Variants in LEPR observed in about 807,000 individuals in gnomAD.
LEPR encodes leptin receptor, also known as OB receptor.
In LEPR, 56 loss-of-function variants were observed where a neutral mutation model predicts 114.7. The observed-to-expected ratio is 0.49, with a 90% CI of 0.39 to 0.61. The LOEUF is 0.61. LEPR is among the 20% of genes least tolerant of loss of function. LEPR has a pLI of 0.00. For synonymous variants in LEPR, 443 were observed against 461.4 expected (o/e 0.96, Z 0.51); for missense variants, 1,202 against 1,352.9 (o/e 0.89, Z 1.75).
At chr1:65,508,271 G>A (rs1050611099) in intron 2 of LEPR, among the ~76,000 whole-genome samples, 25 of 152,140 alleles carry the variant, frequency 1.6e-4, no homozygotes, top group African/African-American at 3.9e-4. Flanking sequence ...CCAGACCAAT[G>A]TCGTGAAACT....
intron 2 of LEPR, among the ~76,000 whole-genome samples, chr1:65,483,497 C>T (rs543199829): frequency 6.6e-5 from 10 of 152,220 alleles, no homozygotes; most frequent in African/African-American, 2.4e-4. Flanking sequence ...GAGGGAGTTA[C>T]GATATCACAA....
At chr1:65,535,583 T>C (rs1650712447) in intron 2 of LEPR, among the ~76,000 whole-genome samples, 2 of 151,864 alleles carry the variant, frequency 1.3e-5, no homozygotes, top group African/African-American at 4.8e-5. Context: ...ACTCCTGAAC[T>C]CAAGTGATCC....
chr1:65,579,164 A>G (rs183349615), intron 5 of LEPR, among the ~76,000 whole-genome samples: 3 of 152,332 alleles, frequency 2.0e-5, no homozygotes, highest in Admixed American at 1.3e-4. Flanking sequence ...TCAGTCAGAT[A>G]TTGGGCAACC....
chr1:65,431,710 C>A, intron 2 of LEPR: 1 of 1,316,518 alleles, frequency 7.6e-7, no homozygotes, highest in Non-Finnish European at 1.0e-6. Flanking sequence ...TGTAACATTT[C>A]ATTGGATGTT....
At chr1:65,420,849 C>G (rs1646232237) in intron 1 of LEPR, 109 bp downstream of exon 1, 2 of 1,322,160 alleles carry the variant, frequency 1.5e-6, no homozygotes, top group East Asian at 2.7e-5. Flanking sequence ...GCCTCACCAC[C>G]CTTCCCGCCT....
intron 2 of LEPR, among the ~76,000 whole-genome samples, chr1:65,466,450 C>G (rs1647014154): frequency 6.6e-6 from 1 of 152,038 alleles, no homozygotes. Context: ...GTCTGGCTGC[C>G]CTTAACATTT....
chr1:65,566,229 A>G (rs1653748203), intron 3 of LEPR, among the ~76,000 whole-genome samples: 1 of 127,176 alleles, frequency 7.9e-6, no homozygotes, highest in Non-Finnish European at 1.6e-5. Context: ...TTTGAGACGC[A>G]GTCTTGCTCT....
intron 2 of LEPR, among the ~76,000 whole-genome samples, chr1:65,427,299 C>T (rs1484054055): frequency 6.6e-6 from 1 of 152,100 alleles, no homozygotes; most frequent in Non-Finnish European, 1.5e-5. Flanking sequence ...AGAGCCCGGC[C>T]GTGGTGGCTC....
At chr1:65,542,351 T>TA (rs1478685252) in intron 2 of LEPR, among the ~76,000 whole-genome samples, 2 of 152,122 alleles carry the variant, frequency 1.3e-5, no homozygotes, top group Non-Finnish European at 2.9e-5. Context: ...ATTTATTATA[T>TA]ACTTTAATTG....
chr1:65,496,691 C>T (rs1648177133), intron 2 of LEPR, among the ~76,000 whole-genome samples: 1 of 152,134 alleles, frequency 6.6e-6, no homozygotes, highest in Admixed American at 6.6e-5. Flanking sequence ...CTATTATTAA[C>T]AATCTTATAT....
rs781558613 is a variant in LEPR, at chr1:65,558,501, G to GTTTTTTTTTTTTTTTTTTTTT, written c.-20-7030_-20-7029insTTTTTTTTTTTTTTTTTTTTT. On this transcript the variant is annotated intron_variant, in intron 2 of 19. Transcript: ENST00000349533. ...TGAGTCATGAGACATGTTTCTTAATGTTTTTTTTTTTTTTTGAATCAGAAG... is the reference window on the plus strand; with the variant it reads ...TGAGTCATGAGACATGTTTCTTAATGTTTTTTTTTTTTTTTTTTTTTTTTTTTTTTTTTTTTGAATCAGAAG... Among the ~76,000 whole-genome samples, 17 of 23,154 alleles carry GTTTTTTTTTTTTTTTTTTTTT rather than the reference G, an allele frequency of 7.3e-4. 6 individuals carry two copies. Among genetic ancestry groups the GTTTTTTTTTTTTTTTTTTTTT allele is most frequent in the Admixed American group, 1.1e-3 (2 of 1,826 alleles). 15.2% of individuals were successfully genotyped at this position (23,154 alleles called of 152,430 possible).
chr1:65,438,643 C>T (rs971935050), intron 2 of LEPR, among the ~76,000 whole-genome samples: 2 of 150,952 alleles, frequency 1.3e-5, no homozygotes, highest in Admixed American at 1.3e-4. Context: ...GTGGCAGTAG[C>T]TGAACTGTAG....
intron 2 of LEPR, among the ~76,000 whole-genome samples, chr1:65,466,391 T>C (rs975075583): frequency 2.0e-5 from 3 of 152,212 alleles, no homozygotes; most frequent in Admixed American, 6.5e-5. Flanking sequence ...TGCCGAGAGA[T>C]CCGCTGTTAG....
rs1570874586 is a variant in LEPR, at chr1:65,638,515, C to G, written c.*1500C>G. 1 of 152,022 alleles carries G rather than the reference C, an allele frequency of 6.6e-6. No individual in the cohort carries two copies. The highest frequency in any genetic ancestry group is 2.1e-4 in the South Asian group (1 of 4,808). 9.4% of individuals were successfully genotyped at this position (152,022 alleles called of 1,614,324 possible). A position where few individuals can be genotyped will look rare whatever the true frequency, so the allele number is the denominator to read the frequency against. On this transcript the variant is annotated 3_prime_UTR_variant, in exon 20 of 20. Transcript: ENST00000349533. The stretch of plus-strand genomic sequence containing the variant: ...ATGCCTATGGGTTTTTAAAAATTAT[C>G]AGAATTTCATATTTAGACCGAGACA...
intron 2 of LEPR, among the ~76,000 whole-genome samples, chr1:65,482,783 C>T (rs538646416): frequency 2.0e-5 from 3 of 152,118 alleles, no homozygotes; most frequent in East Asian, 3.9e-4. Context: ...GTCAGGAGTT[C>T]GAGACCAGCT....
At chr1:65,447,865 AT>A (rs1260849952) in intron 2 of LEPR, among the ~76,000 whole-genome samples, 3 of 152,142 alleles carry the variant, frequency 2.0e-5, no homozygotes, top group Non-Finnish European at 4.4e-5. Context: ...TAGGAAAGTG[AT>A]TGACTTTTGT....
At chr1:65,485,924 C>T (rs1167574008) in intron 2 of LEPR, among the ~76,000 whole-genome samples, 2 of 152,060 alleles carry the variant, frequency 1.3e-5, no homozygotes, top group South Asian at 2.1e-4. Context: ...GATGGAGTTA[C>T]GGTGCTTCTG....
intron 2 of LEPR, among the ~76,000 whole-genome samples, chr1:65,551,437 G>T (rs1396911587): frequency 5.9e-5 from 9 of 152,138 alleles, no homozygotes; most frequent in Middle Eastern, 3.4e-3. Context: ...TCCTAGTCTT[G>T]GGAGGTGTAT....
chr1:65,546,363 A>T (rs1651723933), intron 2 of LEPR, among the ~76,000 whole-genome samples: 1 of 152,204 alleles, frequency 6.6e-6, no homozygotes, highest in Non-Finnish European at 1.5e-5. Context: ...TGGCAGCTTG[A>T]TGCGGATGGC....
Sources: gnomAD v4.1 joint callset for allele counts (sites outside exome capture counted in the v4.1 genomes callset) on GRCh38, gnomAD v4.1.1 for gene constraint, MANE v1.5 for transcripts, NCBI Gene and HGNC (gene_info 2026-07-23, HGNC 2026-07-21) for gene names.